Variants in THSD4 observed in about 807,000 individuals in gnomAD.
THSD4 encodes thrombospondin type 1 domain containing 4, also known as thrombospondin type-1 domain-containing protein 4.
In THSD4, 69 loss-of-function variants were observed where a neutral mutation model predicts 119.0. That is an observed-to-expected ratio of 0.58 (90% CI 0.48 to 0.71). The LOEUF (loss-of-function observed/expected upper bound fraction) is 0.71, where lower values mean the gene tolerates loss of function less well. Ranked by LOEUF, THSD4 falls within the 30% of genes least tolerant of loss-of-function variation. The pLI is 0.00. For synonymous variants in THSD4, 524 were observed against 540.4 expected (o/e 0.97, Z 0.42); for missense variants, 1,393 against 1,391.1 (o/e 1.00, Z -0.02).
chr15:71,123,244 A>T (rs914500861), intron 1 of THSD4, among the ~76,000 whole-genome samples: 1 of 152,198 alleles, frequency 6.6e-6, no homozygotes, highest in Non-Finnish European at 1.5e-5. Flanking sequence ...GGGCATTGCT[A>T]TGCAGTCATT....
At chr15:71,438,429 G>A (rs2047045195) in intron 7 of THSD4, among the ~76,000 whole-genome samples, 1 of 152,126 alleles carries the variant, frequency 6.6e-6, no homozygotes, top group Non-Finnish European at 1.5e-5. Context: ...AAGACCTACA[G>A]TTTGAAGTTA....
At chr15:71,648,264 C>T (rs915551278) in intron 7 of THSD4, among the ~76,000 whole-genome samples, 4 of 152,090 alleles carry the variant, frequency 2.6e-5, no homozygotes, top group African/African-American at 7.2e-5. Flanking sequence ...GTGGTCCAGC[C>T]GTAACAGCTG....
At chr15:71,676,537 C>T (rs1171456798) in intron 8 of THSD4, among the ~76,000 whole-genome samples, 2 of 152,156 alleles carry the variant, frequency 1.3e-5, no homozygotes, top group Non-Finnish European at 2.9e-5. Context: ...ACCTCGGCCT[C>T]CCAAAGTGCT....
chr15:71,528,969 C>G lies in THSD4; in HGVS notation c.1152+117146C>G, dbSNP rs144571098. On this transcript the variant is annotated intron_variant, in intron 7 of 17. Transcript: ENST00000261862. ...GCTATGGCAAAGACTCTTTCGTTGT[C>G]TGCCAAACCTGAGTCTCTTTCCTCC... Among the ~76,000 whole-genome samples the G allele has an allele frequency of 6.0e-4, 91 of 152,346 alleles. No individual in the cohort carries two copies. In the Middle Eastern group the frequency reaches 0.017, roughly 28 times the overall value.
intron 7 of THSD4, among the ~76,000 whole-genome samples, chr15:71,450,324 T>A (rs934115023): frequency 1.3e-5 from 2 of 151,982 alleles, no homozygotes; most frequent in African/African-American, 4.8e-5. Flanking sequence ...CAGGTGAGAA[T>A]AATGCAGGCA....
intron 6 of THSD4, among the ~76,000 whole-genome samples, chr15:71,383,423 A>C (rs1355549718): frequency 6.6e-6 from 1 of 152,220 alleles, no homozygotes; most frequent in African/African-American, 2.4e-5. Flanking sequence ...TCATTTGCCC[A>C]AATCAAGAAA....
intron 1 of THSD4, among the ~76,000 whole-genome samples, chr15:71,134,185 A>T (rs2040528570): frequency 6.6e-6 from 1 of 152,222 alleles, no homozygotes; most frequent in African/African-American, 2.4e-5. Context: ...AGGAGAAAGG[A>T]CTGTGAGCCA....
chr15:71,302,471 C>G (rs974655144), intron 6 of THSD4, among the ~76,000 whole-genome samples: 1 of 152,116 alleles, frequency 6.6e-6, no homozygotes, highest in Non-Finnish European at 1.5e-5. Flanking sequence ...CTGCTCAGAG[C>G]CGGCCCCATT....
At chr15:71,687,540 G>A (rs1055588931) in intron 8 of THSD4, among the ~76,000 whole-genome samples, 1 of 152,070 alleles carries the variant, frequency 6.6e-6, no homozygotes, top group Admixed American at 6.6e-5. Flanking sequence ...TGGATCACCT[G>A]AGCCAGGAGT....
At chr15:71,641,721 A>T (rs1386192599) in intron 7 of THSD4, among the ~76,000 whole-genome samples, 4 of 152,190 alleles carry the variant, frequency 2.6e-5, no homozygotes, top group Admixed American at 2.0e-4. Context: ...GAAAAGGGCA[A>T]ATACTTTGTC....
Position 71,346,691 on chromosome 15 carries a change from C to T in THSD4, c.1016-64996C>T, listed in dbSNP as rs1218400800. ...ATCTGGACAATAAATGTACCTGTTG[C>T]TCTTGTGGTGTTGCTGCTCCTAGAC... On this transcript the variant is annotated intron_variant, in intron 6 of 17. Coordinates refer to ENST00000261862, the MANE Select transcript of THSD4 (RefSeq NM_024817.3). Among the ~76,000 whole-genome samples the T allele has an allele frequency of 2.0e-5, 3 of 152,068 alleles. No individual in the cohort carries two copies. The East Asian group carries it at 5.8e-4, about 29-fold the overall frequency.
chr15:71,555,988 C>A (rs1164941597), intron 7 of THSD4, among the ~76,000 whole-genome samples: 2 of 152,136 alleles, frequency 1.3e-5, no homozygotes, highest in Non-Finnish European at 2.9e-5. Context: ...TTTCTGGCCT[C>A]TGTATTTGCT....
intron 6 of THSD4, among the ~76,000 whole-genome samples, chr15:71,347,062 C>G (rs1344686239): frequency 1.3e-5 from 2 of 151,638 alleles, no homozygotes; most frequent in East Asian, 1.9e-4. Flanking sequence ...TTAGTAGAGA[C>G]AGGGTTTCAC....
At chr15:71,182,397 C>A (rs1370298905) in intron 3 of THSD4, among the ~76,000 whole-genome samples, 3 of 151,766 alleles carry the variant, frequency 2.0e-5, no homozygotes, top group East Asian at 1.9e-4. Flanking sequence ...TAAATAAACC[C>A]AAGTTATACA....
Position 71,728,889 on chromosome 15 carries a change from C to T in THSD4, c.1533+165C>T, listed in dbSNP as rs181516926. 148 of 871,122 alleles carry T rather than the reference C, an allele frequency of 1.7e-4. No homozygotes were observed. In the African/African-American group the frequency reaches 2.3e-3, roughly 13 times the overall value. 54.0% of individuals were successfully genotyped at this position (871,122 alleles called of 1,614,324 possible). A position where few individuals can be genotyped will look rare whatever the true frequency, so the allele number is the denominator to read the frequency against. On this transcript the variant is annotated intron_variant, in intron 9 of 17. Transcript: ENST00000261862. ...TTGAATGCTTGGCGTTCATCTTTGCCTTTACTTCTGAATGGGCCCAGCTCA... is the reference window on the plus strand; with the variant it reads ...TTGAATGCTTGGCGTTCATCTTTGCTTTTACTTCTGAATGGGCCCAGCTCA...
intron 6 of THSD4, among the ~76,000 whole-genome samples, chr15:71,285,740 G>A (rs1357922815): frequency 1.3e-5 from 2 of 151,150 alleles, no homozygotes; most frequent in African/African-American, 4.9e-5. Context: ...TGTAGTCCCA[G>A]CTATTCAGGA....
intron 6 of THSD4, among the ~76,000 whole-genome samples, chr15:71,356,719 C>T (rs1186316185): frequency 1.3e-5 from 2 of 152,066 alleles, no homozygotes; most frequent in Non-Finnish European, 2.9e-5. Context: ...CAGGGTGCTG[C>T]CCTCTCTCAT....
chr15:71,578,951 C>G (rs144832585), intron 7 of THSD4, among the ~76,000 whole-genome samples: 12,928 of 148,920 alleles, frequency 0.087, 581 homozygotes, highest in Admixed American at 0.13. Flanking sequence ...TCAAGTGATT[C>G]TCCTGCCTCA....
chr15:71,685,430 A>T (rs1320654149), intron 8 of THSD4, among the ~76,000 whole-genome samples: 1 of 152,114 alleles, frequency 6.6e-6, no homozygotes, highest in African/African-American at 2.4e-5. Flanking sequence ...TTGCTTTCAA[A>T]TAACAATAAT....
Sources: gnomAD v4.1 joint callset for allele counts (sites outside exome capture counted in the v4.1 genomes callset) on GRCh38, gnomAD v4.1.1 for gene constraint, MANE v1.5 for transcripts, NCBI Gene and HGNC (gene_info 2026-07-23, HGNC 2026-07-21) for gene names.